Variants in SPPL3 observed in about 807,000 individuals in gnomAD.
SPPL3 encodes signal peptide peptidase-like 3.
SPPL3 carries 5 observed loss-of-function variants against 42.4 expected under a neutral mutation model. The observed-to-expected ratio is 0.12, with a 90% CI of 0.06 to 0.25. SPPL3 has a LOEUF of 0.25. Among genes scored for constraint, SPPL3 ranks in the 10% least tolerant of loss-of-function variants. The pLI, the probability that SPPL3 is intolerant of heterozygous loss-of-function variation, is 1.00. For synonymous variants in SPPL3, 195 were observed against 181.8 expected, an observed-to-expected ratio of 1.07 and a Z score of -0.58; for missense variants, 235 against 489.0, an observed-to-expected ratio of 0.48 and a Z score of 4.90.
At chr12:120,774,022 ATCC>A (rs1869218144) in intron 6 of SPPL3, among the ~76,000 whole-genome samples, 2 of 152,154 alleles carry the variant, frequency 1.3e-5, no homozygotes, top group South Asian at 4.1e-4. Flanking sequence ...TCTCATGCTA[ATCC>A]TCCTCCACCT....
At chr12:120,901,296 T>TAA (rs761118314) in intron 1 of SPPL3, among the ~76,000 whole-genome samples, 1 of 152,002 alleles carries the variant, frequency 6.6e-6, no homozygotes, top group Non-Finnish European at 1.5e-5. Context: ...GAACAACTAT[T>TAA]AAATAGGAAG....
chr12:120,840,661 AT>A (rs1170892385), intron 1 of SPPL3, among the ~76,000 whole-genome samples: 1 of 151,836 alleles, frequency 6.6e-6, no homozygotes, highest in Non-Finnish European at 1.5e-5. Flanking sequence ...GAAAAACCCT[AT>A]CTCTACAAAA....
At chr12:120,841,302 G>T (rs1351512651) in intron 1 of SPPL3, among the ~76,000 whole-genome samples, 19 of 151,896 alleles carry the variant, frequency 1.3e-4, no homozygotes, top group Admixed American at 1.2e-3. Context: ...TCCAGCCTGG[G>T]CAACAAGAGC....
intron 1 of SPPL3, among the ~76,000 whole-genome samples, chr12:120,856,425 CAGA>C (rs1305915864): frequency 6.7e-6 from 1 of 150,286 alleles, no homozygotes; most frequent in Non-Finnish European, 1.5e-5. Context: ...GAGGGCAGAG[CAGA>C]AGAATACACA....
At chr12:120,899,055 G>A (rs531843754) in intron 1 of SPPL3, among the ~76,000 whole-genome samples, 1 of 152,140 alleles carries the variant, frequency 6.6e-6, no homozygotes, top group Non-Finnish European at 1.5e-5. Flanking sequence ...GAAGAAAGGT[G>A]TTTTTCTCAA....
chr12:120,883,729 T>A (rs1358015819), intron 1 of SPPL3, among the ~76,000 whole-genome samples: 1 of 152,092 alleles, frequency 6.6e-6, no homozygotes, highest in Non-Finnish European at 1.5e-5. Context: ...AAAAAACAAA[T>A]TATAAAAGAC....
chr12:120,777,870 A>C (rs1364533186), intron 6 of SPPL3, among the ~76,000 whole-genome samples: 1 of 152,124 alleles, frequency 6.6e-6, no homozygotes, highest in Non-Finnish European at 1.5e-5. Flanking sequence ...GAATCAGCAA[A>C]GGTGAATTAC....
chr12:120,852,727 T>A (rs1872278581), intron 1 of SPPL3, among the ~76,000 whole-genome samples: 2 of 45,058 alleles, frequency 4.4e-5, no homozygotes, highest in African/African-American at 5.2e-5. Context: ...ATTTTATATA[T>A]AATATACATA....
intron 1 of SPPL3, among the ~76,000 whole-genome samples, chr12:120,817,859 C>A (rs1870932609): frequency 6.6e-6 from 1 of 152,106 alleles, no homozygotes; most frequent in South Asian, 2.1e-4. Context: ...TCTTTGCCCA[C>A]ACAAAGAAAG....
At chr12:120,844,420 T>C (rs1301754411) in intron 1 of SPPL3, among the ~76,000 whole-genome samples, 3 of 152,180 alleles carry the variant, frequency 2.0e-5, no homozygotes, top group African/African-American at 7.2e-5. Flanking sequence ...TGAAGTGCAT[T>C]ACCGTGCCTG....
chr12:120,881,485 G>A (rs73217012), intron 1 of SPPL3, among the ~76,000 whole-genome samples: 73 of 52,464 alleles, frequency 1.4e-3, no homozygotes, highest in African/African-American at 1.6e-3. Flanking sequence ...AAAAAAAAAA[G>A]AGAAGAGAAG....
chr12:120,842,239 C>T (rs745583089), intron 1 of SPPL3, among the ~76,000 whole-genome samples: 5 of 152,184 alleles, frequency 3.3e-5, no homozygotes, highest in Non-Finnish European at 7.3e-5. Context: ...CAGTTATAAA[C>T]ATCCCCTGAA....
At chr12:120,786,184 G>A (rs1018874395) in intron 3 of SPPL3, among the ~76,000 whole-genome samples, 8 of 152,178 alleles carry the variant, frequency 5.3e-5, no homozygotes, top group African/African-American at 1.9e-4. Flanking sequence ...TGAACTATGT[G>A]TCATGACAAA....
intron 2 of SPPL3, among the ~76,000 whole-genome samples, chr12:120,806,498 A>C (rs1566047123): frequency 6.6e-6 from 1 of 151,916 alleles, no homozygotes; most frequent in Non-Finnish European, 1.5e-5. Context: ...ATAAAAATTA[A>C]CTCAAAATGA....
At chr12:120,902,039 AACC>A in intron 1 of SPPL3, 1 of 400,340 alleles carries the variant, frequency 2.5e-6, no homozygotes, top group Non-Finnish European at 3.4e-6. Flanking sequence ...CAAGATGAGT[AACC>A]ACAAGGCATG....
At chr12:120,893,766 C>T (rs1007064321) in intron 1 of SPPL3, among the ~76,000 whole-genome samples, 1 of 152,142 alleles carries the variant, frequency 6.6e-6, no homozygotes, top group Non-Finnish European at 1.5e-5. Context: ...TCTGATGGAG[C>T]CTCTTCTGAT....
intron 6 of SPPL3, among the ~76,000 whole-genome samples, chr12:120,781,596 C>T (rs1269867609): frequency 6.6e-4 from 45 of 67,694 alleles, no homozygotes; most frequent in African/African-American, 3.3e-3. Flanking sequence ...TTTTTTGAGA[C>T]GGAGTCTTGC....
intron 1 of SPPL3, among the ~76,000 whole-genome samples, chr12:120,863,688 A>C (rs1275144835): frequency 6.6e-6 from 1 of 151,890 alleles, no homozygotes; most frequent in Non-Finnish European, 1.5e-5. Flanking sequence ...TTCTCGTTTT[A>C]TTGCTCAGGC....
At chr12:120,899,376 T>C (rs2701178) in intron 1 of SPPL3, among the ~76,000 whole-genome samples, 37,108 of 152,100 alleles carry the variant, frequency 0.24, 5,624 homozygotes, top group Non-Finnish European at 0.35. Flanking sequence ...TTATGTTTAA[T>C]ATTCTTTCAA....
Sources: allele counts gnomAD v4.1 joint callset (sites outside exome capture counted in the v4.1 genomes callset), GRCh38; gene constraint gnomAD v4.1.1; transcripts MANE v1.5; gene names NCBI Gene and HGNC (gene_info 2026-07-23, HGNC 2026-07-21).